The following FAM193B variants were observed in gnomAD, a reference collection of about 807,000 sequenced individuals.
FAM193B encodes the protein protein FAM193B.
In FAM193B, 27 loss-of-function variants were observed where a neutral mutation model predicts 70.7. The ratio of observed to expected loss-of-function variants is 0.38; its 90% CI spans 0.28 to 0.53. The LOEUF is 0.53. FAM193B is among the 20% of genes least tolerant of loss of function. The probability of loss-of-function intolerance (pLI) is 0.81; values close to 1 mark genes in which losing one functional copy is unlikely to be tolerated. For synonymous variants in FAM193B, 448 were observed against 436.0 expected (o/e 1.03, Z -0.34); for missense variants, 1,022 against 1,072.5 (o/e 0.95, Z 0.66).
chr5:177,537,034 C>A (rs1764256421), intron 3 of FAM193B, among the ~76,000 whole-genome samples: 1 of 152,150 alleles, frequency 6.6e-6, no homozygotes, highest in Non-Finnish European at 1.5e-5. Flanking sequence ...GAGGGTCTCT[C>A]TAGGATCTGC....
intron 1 of FAM193B, chr5:177,554,046 A>G (rs1766696830): frequency 7.4e-7 from 1 of 1,344,622 alleles, no homozygotes; most frequent in Non-Finnish European, 9.6e-7. Flanking sequence ...TAGTCGCAGG[A>G]GCGCGGACCG....
chr5:177,545,413 T>C (rs1213196957), intron 1 of FAM193B, among the ~76,000 whole-genome samples: 1 of 152,226 alleles, frequency 6.6e-6, no homozygotes, highest in African/African-American at 2.4e-5. Context: ...ATAGCTTTAA[T>C]ATTGTCTTTC....
intron 1 of FAM193B, 110 bp from the exon 2 acceptor site, chr5:177,539,257 C>T: frequency 1.5e-6 from 2 of 1,327,952 alleles, no homozygotes; most frequent in African/African-American, 3.0e-5. Flanking sequence ...CTGGGTTAGG[C>T]ACTTTTTAGA....
chr5:177,553,919 G>T, intron 1 of FAM193B: 1 of 1,219,826 alleles, frequency 8.2e-7, no homozygotes, highest in Non-Finnish European at 1.0e-6. Context: ...GGGGGAGGTG[G>T]CGGGCCGAGA....
chr5:177,546,627 T>C (rs772826942), intron 1 of FAM193B, among the ~76,000 whole-genome samples: 10 of 151,894 alleles, frequency 6.6e-5, no homozygotes, highest in African/African-American at 9.7e-5. Context: ...CTGCAGTTAA[T>C]TCTAAGAGAG....
At chr5:177,533,373 C>T (rs1410034549) in intron 4 of FAM193B, among the ~76,000 whole-genome samples, 7 of 150,926 alleles carry the variant, frequency 4.6e-5, no homozygotes, top group South Asian at 2.1e-4. Flanking sequence ...GGCATGATCT[C>T]GGCTCACTGC....
intron 1 of FAM193B, chr5:177,553,675 C>A: frequency 7.8e-7 from 1 of 1,286,496 alleles, no homozygotes; most frequent in Non-Finnish European, 1.0e-6. Context: ...TGCTGGGTTT[C>A]CACCTCAGTG....
chr5:177,545,928 A>G (rs940350489), intron 1 of FAM193B, among the ~76,000 whole-genome samples: 5 of 152,164 alleles, frequency 3.3e-5, no homozygotes, highest in African/African-American at 9.7e-5. Context: ...CCCAAATTCT[A>G]TTTTGAAATG....
chr5:177,525,750 G>C (rs1762497802), intron 5 of FAM193B, among the ~76,000 whole-genome samples: 1 of 152,266 alleles, frequency 6.6e-6, no homozygotes, highest in African/African-American at 2.4e-5. Context: ...GTCACACCTA[G>C]AGTGTGCCCA....
intron 3 of FAM193B, 22 bp from the exon 4 acceptor site, chr5:177,536,767 A>G: frequency 1.3e-6 from 2 of 1,546,632 alleles, no homozygotes; most frequent in South Asian, 1.2e-5. Context: ...GGGAGGAGAA[A>G]GGGGTCAGAA....
intron 4 of FAM193B, 172 bp downstream of exon 4, chr5:177,536,186 T>G: frequency 2.5e-5 from 18 of 709,654 alleles, no homozygotes; most frequent in East Asian, 1.5e-4. Context: ...GCGCTAGGAG[T>G]ATAGGTGTGA....
intron 1 of FAM193B, among the ~76,000 whole-genome samples, chr5:177,539,542 A>T (rs920393110): frequency 2.6e-5 from 4 of 152,258 alleles, no homozygotes; most frequent in Admixed American, 6.5e-5. Context: ...TGTACAGCCC[A>T]GGGACCAATG....
At position 177,536,394 on chromosome 5, in the gene FAM193B, G is replaced by T; in HGVS notation, c.1040C>A (p.Pro347Gln). ...AGGGAGTGGCTGAGAGCTCGGGGGT[G>T]GGAGGAGAGGCCCACTGCAGTGCCC... is the stretch of plus-strand genomic sequence containing the variant. The part of the protein sequence containing the change: ...CGGHCSGPLL[P>Q]PPSSQPLPST... The change falls in exon 4 of 9, where the codon CCA (proline) becomes CAA (glutamine). Residue 347 changes from proline (P) to glutamine (Q), a missense_variant. Pro to Gln is a moderately conservative substitution (Grantham distance 76, BLOSUM62 -1). Coordinates refer to ENST00000514747, the MANE Select transcript of FAM193B (RefSeq NM_001190946.3). The T allele has an allele frequency of 1.9e-6, 3 of 1,609,422 alleles. No individual in the cohort carries two copies. The highest frequency in any genetic ancestry group is 2.2e-5 in the South Asian group (2 of 90,574).
intron 1 of FAM193B, chr5:177,553,140 AG>A (rs2127497244): frequency 1.0e-6 from 1 of 982,892 alleles, no homozygotes; most frequent in East Asian, 1.1e-4. Context: ...CTTTGTGGGA[AG>A]GTACCCCAAA....
rs1364274169 is a variant in FAM193B at position 177,554,489 on chromosome 5, A to G, written c.-31T>C. The stretch of plus-strand genomic sequence containing the variant: ...CGCTCGCGCCGCTCCCTCGCTCCAC[A>G]CGCCGCCGCCGCCGCCGCCGCCGCC... On this transcript the variant is annotated 5_prime_UTR_variant, in exon 1 of 9. Coordinates refer to ENST00000514747, the MANE Select transcript of FAM193B (RefSeq NM_001190946.3). 44 of 605,992 alleles carry G rather than the reference A, an allele frequency of 7.3e-5. No individual in the cohort carries two copies. The highest frequency in any genetic ancestry group is 1.6e-4 in the East Asian group (1 of 6,176). The allele number at this position is 605,992 out of a possible 1,614,324, so 37.5% of individuals were successfully genotyped here.
In FAM193B at chr5:177,554,536, G is replaced by GCCGCCGCCGCCGCCGCCGC. The variant is rs1208467057; in HGVS notation, c.-79_-78insGCGGCGGCGGCGGCGGCGG. The GCCGCCGCCGCCGCCGCCGC allele has an allele frequency of 4.5e-6, 4 of 883,810 alleles. No homozygotes were observed. Among genetic ancestry groups the GCCGCCGCCGCCGCCGCCGC allele is most frequent in the African/African-American group, 1.8e-5 (1 of 54,668 alleles). 54.7% of individuals were successfully genotyped at this position (883,810 alleles called of 1,614,324 possible). ...CGCCGCCGCCGCCGCCGCCGCTACC[G>GCCGCCGCCGCCGCCGCCGC]CTCCCCTCACAGGACAACAGCCAAT... On this transcript the variant is annotated 5_prime_UTR_variant, in exon 1 of 9. Transcript: ENST00000514747.
chr5:177,551,418 A>G (rs1377172183), intron 1 of FAM193B, among the ~76,000 whole-genome samples: 2 of 152,244 alleles, frequency 1.3e-5, no homozygotes, highest in African/African-American at 4.8e-5. Context: ...TGGGATCCCA[A>G]TTAAACTCAA....
intron 1 of FAM193B, chr5:177,553,507 C>A: frequency 8.9e-7 from 1 of 1,127,514 alleles, no homozygotes; most frequent in Non-Finnish European, 1.1e-6. Flanking sequence ...CTCCCGTTAT[C>A]TCCTTTGCTC....
intron 5 of FAM193B, among the ~76,000 whole-genome samples, chr5:177,531,080 C>T (rs1279778474): frequency 1.3e-5 from 2 of 152,202 alleles, no homozygotes; most frequent in Non-Finnish European, 2.9e-5. Flanking sequence ...CTTCTCAGGC[C>T]ATGACACGTT....
Sources: gnomAD v4.1 joint callset for allele counts (sites outside exome capture counted in the v4.1 genomes callset) on GRCh38, gnomAD v4.1.1 for gene constraint, MANE v1.5 for transcripts, NCBI Gene and HGNC (gene_info 2026-07-23, HGNC 2026-07-21) for gene names.